EAF2: variants seen among roughly 807,000 people sequenced by gnomAD.
The protein encoded by EAF2 is ELL-associated factor 2.
Under a neutral mutation model 29.4 loss-of-function variants are expected in EAF2, and 29 were observed. The observed-to-expected ratio is 0.99, with a 90% CI of 0.73 to 1.35. EAF2 has a LOEUF of 1.35. EAF2 is among the 40% of genes most tolerant of loss of function. The pLI, the probability that EAF2 is intolerant of heterozygous loss-of-function variation, is 0.00. For missense variants in EAF2, 292 were observed against 312.0 expected (o/e 0.94, Z 0.48); for synonymous variants, 103 against 102.5 (o/e 1.00, Z -0.03).
intron 5 of EAF2, chr3:121,873,163 C>A (rs1276669012): frequency 1.6e-6 from 1 of 610,710 alleles, no homozygotes; most frequent in Non-Finnish European, 2.9e-6. Flanking sequence ...AGGTAACTTG[C>A]AAATTTATAT....
intron 2 of EAF2, among the ~76,000 whole-genome samples, chr3:121,845,257 G>A (rs921535023): frequency 2.5e-4 from 38 of 152,018 alleles, no homozygotes; most frequent in African/African-American, 9.2e-4. Context: ...GGCCAACATG[G>A]TGAAGCCCTG....
At chr3:121,841,046 A>G (rs1396611514) in intron 1 of EAF2, among the ~76,000 whole-genome samples, 1 of 152,180 alleles carries the variant, frequency 6.6e-6, no homozygotes, top group Non-Finnish European at 1.5e-5. Flanking sequence ...CCAGTAGTTT[A>G]GCTGATTGAA....
intron 4 of EAF2, 23 bp downstream of exon 4, chr3:121,857,179 A>G: frequency 6.3e-7 from 1 of 1,592,136 alleles, no homozygotes. Context: ...TATATGTAAC[A>G]TCCCTTTATA....
intron 4 of EAF2, among the ~76,000 whole-genome samples, chr3:121,866,448 G>A (rs1191800374): frequency 6.6e-6 from 1 of 152,114 alleles, no homozygotes; most frequent in Non-Finnish European, 1.5e-5. Flanking sequence ...TGTCCTGGCT[G>A]GGTGCGGTGG....
At chr3:121,843,246 C>T (rs959783243) in intron 1 of EAF2, among the ~76,000 whole-genome samples, 1 of 152,092 alleles carries the variant, frequency 6.6e-6, no homozygotes, top group Non-Finnish European at 1.5e-5. Flanking sequence ...TAATTGTCAT[C>T]GTGAAGCAGG....
At chr3:121,877,822 G>C (rs1709127004) in intron 5 of EAF2, among the ~76,000 whole-genome samples, 1 of 152,064 alleles carries the variant, frequency 6.6e-6, no homozygotes, top group Non-Finnish European at 1.5e-5. Context: ...TCAGGCTGGA[G>C]TGTAGTGGTC....
At chr3:121,875,866 A>G (rs1160355783) in intron 5 of EAF2, among the ~76,000 whole-genome samples, 1 of 151,888 alleles carries the variant, frequency 6.6e-6, no homozygotes, top group African/African-American at 2.4e-5. Context: ...AATTGGTGAA[A>G]TAGAAGATAA....
chr3:121,848,842 C>A (rs896738692), intron 2 of EAF2, among the ~76,000 whole-genome samples: 1 of 150,882 alleles, frequency 6.6e-6, no homozygotes, highest in African/African-American at 2.5e-5. Flanking sequence ...CTATAGTGCA[C>A]ATATTAACTT....
At chr3:121,871,498 T>C (rs1409344294) in intron 4 of EAF2, among the ~76,000 whole-genome samples, 1 of 151,958 alleles carries the variant, frequency 6.6e-6, no homozygotes, top group Non-Finnish European at 1.5e-5. Flanking sequence ...TTTATGGAAA[T>C]TATGTATTAA....
intron 4 of EAF2, among the ~76,000 whole-genome samples, chr3:121,870,664 G>C (rs1022553217): frequency 6.6e-6 from 1 of 151,978 alleles, no homozygotes; most frequent in African/African-American, 2.4e-5. Flanking sequence ...TGTGACAAAG[G>C]GCTCATAGCC....
At position 121,886,458 on chromosome 3, in the gene EAF2, C is replaced by T. The variant is rs1163900114; in HGVS notation, c.*70C>T. 13 of 916,492 alleles carry T rather than the reference C, an allele frequency of 1.4e-5. No individual in the cohort carries two copies. The highest frequency in any genetic ancestry group is 1.8e-5 in the Non-Finnish European group (12 of 655,746). The allele number at this position is 916,492 out of a possible 1,614,324, so 56.8% of individuals were successfully genotyped here. On this transcript the variant is annotated 3_prime_UTR_variant, in exon 6 of 6. Transcript: ENST00000273668. ...TTATTTTGTATTAACAATAAAAATT[C>T]CTAAGACTGAGGGAAATATGTCTTA...
At chr3:121,868,270 C>T (rs372935516) in intron 4 of EAF2, among the ~76,000 whole-genome samples, 1 of 152,038 alleles carries the variant, frequency 6.6e-6, no homozygotes, top group Admixed American at 6.6e-5. Context: ...AAAGCACAAA[C>T]ATGTGACCAT....
rs138608339 is a variant in EAF2, at chr3:121,870,705, A to G, written c.485-1832A>G. Among the ~76,000 whole-genome samples, 202 of 152,306 alleles carry G rather than the reference A, an allele frequency of 1.3e-3. 1 individual carries two copies. Among genetic ancestry groups the G allele is most frequent in the African/African-American group, 4.4e-3 (181 of 41,572 alleles). On this transcript the variant is annotated intron_variant, in intron 4 of 5. Transcript: ENST00000273668. ...AATTAGCTATAAAGAACTCTTACAAATCAGTAAGAAAAAGACAAACAAATA... is the reference window on the plus strand; with the variant it reads ...AATTAGCTATAAAGAACTCTTACAAGTCAGTAAGAAAAAGACAAACAAATA...
chr3:121,863,565 G>A (rs1374258631), intron 4 of EAF2, among the ~76,000 whole-genome samples: 1 of 152,288 alleles, frequency 6.6e-6, no homozygotes, highest in East Asian at 1.9e-4. Context: ...AGTATTAGGG[G>A]TGGGAGTGTC....
At chr3:121,851,029 G>A (rs1007350326) in intron 2 of EAF2, among the ~76,000 whole-genome samples, 6 of 152,108 alleles carry the variant, frequency 3.9e-5, no homozygotes, top group Admixed American at 1.3e-4. Flanking sequence ...TTAAAGTTAA[G>A]TATATATAAA....
chr3:121,886,244 T>C (rs1008544258), intron 5 of EAF2, 98 bp from the exon 6 acceptor site: 32 of 659,600 alleles, frequency 4.9e-5, no homozygotes, highest in African/African-American at 3.3e-4. Flanking sequence ...GTAAACAGAA[T>C]CACGCTTGGG....
At chr3:121,850,244 G>T (rs1708607320) in intron 2 of EAF2, among the ~76,000 whole-genome samples, 4 of 135,320 alleles carry the variant, frequency 3.0e-5, no homozygotes, top group Admixed American at 2.9e-4. Flanking sequence ...TTATCTTATA[G>T]TTTATTAGTT....
chr3:121,885,477 C>T (rs1709266785), intron 5 of EAF2, among the ~76,000 whole-genome samples: 1 of 152,214 alleles, frequency 6.6e-6, no homozygotes, highest in South Asian at 2.1e-4. Flanking sequence ...ATTCTCATTA[C>T]ATTTTCAAAC....
At chr3:121,885,186 C>T (rs932160766) in intron 5 of EAF2, among the ~76,000 whole-genome samples, 1 of 152,176 alleles carries the variant, frequency 6.6e-6, no homozygotes, top group Non-Finnish European at 1.5e-5. Context: ...TTGTTCACAA[C>T]AAAAACCTTG....
Sources: allele counts gnomAD v4.1 joint callset (sites outside exome capture counted in the v4.1 genomes callset), GRCh38; gene constraint gnomAD v4.1.1; transcripts MANE v1.5; gene names NCBI Gene and HGNC (gene_info 2026-07-23, HGNC 2026-07-21).